LAMC2: variants seen among roughly 807,000 people sequenced by gnomAD.
The protein encoded by LAMC2 is laminin subunit gamma-2.
Under a neutral mutation model 140.2 loss-of-function variants are expected in LAMC2, and 97 were observed. That is an observed-to-expected ratio of 0.69 (90% CI 0.59 to 0.82). The LOEUF (loss-of-function observed/expected upper bound fraction) is 0.82. Among genes scored for constraint, LAMC2 ranks in the 40% least tolerant of loss-of-function variants. The pLI, the probability that LAMC2 is intolerant of heterozygous loss-of-function variation, is 0.00. For synonymous variants in LAMC2, 513 were observed against 540.2 expected (o/e 0.95, Z 0.70); for missense variants, 1,402 against 1,476.1 (o/e 0.95, Z 0.82).
At position 183,217,439 on chromosome 1, in the gene LAMC2, A is replaced by G. The variant is rs187271365; in HGVS notation, c.405-951A>G. 9.2e-5 allele frequency among the ~76,000 whole-genome samples: 14 copies of G among 152,366 alleles called. No homozygotes were observed. In the East Asian group the frequency reaches 2.3e-3, roughly 25 times the overall value. ...TTCCACTCCTAGGTATACACCCAAG[A>G]GAAATGAGAAGGTAGATATCTGCAC... On this transcript the variant is annotated intron_variant, in intron 3 of 22. Coordinates refer to ENST00000264144, the MANE Select transcript of LAMC2 (RefSeq NM_005562.3).
Position 183,228,267 on chromosome 1 carries a change from C to A in LAMC2, c.1469-107C>A. The A allele has an allele frequency of 1.4e-6, 2 of 1,468,356 alleles. No individual in the cohort carries two copies. The highest frequency in any genetic ancestry group is 1.9e-6 in the Non-Finnish European group (2 of 1,055,260). 91.0% of individuals were successfully genotyped at this position (1,468,356 alleles called of 1,614,324 possible). Reference sequence around the variant, plus strand: ...CTTTGTTCTGGGGTCCCTAGGGAAGCACATTTCTCTGGCTCTTCTAGAGGG... The same window carrying A: ...CTTTGTTCTGGGGTCCCTAGGGAAGAACATTTCTCTGGCTCTTCTAGAGGG... On this transcript the variant is annotated intron_variant, in intron 10 of 22. Coordinates refer to ENST00000264144, the MANE Select transcript of LAMC2 (RefSeq NM_005562.3). This position sits in a 1 kb window ranked among gnomAD's most constrained non-coding sequence, Gnocchi z 4.3.
chr1:183,202,458 G>A (rs1558082214), intron 1 of LAMC2, among the ~76,000 whole-genome samples: 1 of 152,090 alleles, frequency 6.6e-6, no homozygotes, highest in Non-Finnish European at 1.5e-5. Flanking sequence ...AGGTACTTTG[G>A]AAATAAAGAT....
Position 183,228,648 on chromosome 1 carries a change from C to A in LAMC2, c.1714+29C>A, listed in dbSNP as rs376179244. The A allele has an allele frequency of 6.2e-7, 1 of 1,612,820 alleles. No homozygotes were observed. Among genetic ancestry groups the A allele is most frequent in the Non-Finnish European group, 8.5e-7 (1 of 1,179,948 alleles). On this transcript the variant is annotated intron_variant, in intron 11 of 22. Coordinates refer to ENST00000264144, the MANE Select transcript of LAMC2 (RefSeq NM_005562.3). This position sits in a 1 kb window ranked among gnomAD's most constrained non-coding sequence, Gnocchi z 4.3. The stretch of plus-strand genomic sequence containing the variant: ...GGACTCCACCCCAGGCAGGCTGTGT[C>A]TGTGCGTGCCTGTGTACGTATGCAC...
chr1:183,223,506 G>A (rs1327983945), intron 7 of LAMC2, among the ~76,000 whole-genome samples, 182 bp downstream of exon 7: 4 of 152,134 alleles, frequency 2.6e-5, no homozygotes, highest in Admixed American at 6.5e-5. Flanking sequence ...CAGCTGACAG[G>A]CTAATGGGAG....
chr1:183,253,378 C>A, the LAMC2 span, among the ~76,000 whole-genome samples: 3 of 149,760 alleles, frequency 2.0e-5, no homozygotes, highest in Non-Finnish European at 4.4e-5. Context: ...CTGTAGTGGA[C>A]CAAATTAATA....
intron 1 of LAMC2, among the ~76,000 whole-genome samples, chr1:183,189,884 C>T (rs1311093188): frequency 6.6e-6 from 1 of 152,198 alleles, no homozygotes; most frequent in African/African-American, 2.4e-5. Context: ...ACGGCGAATT[C>T]AGAATCCATG....
chr1:183,240,550 T>C lies in LAMC2; in HGVS notation c.3328+159T>C, dbSNP rs79426092. The stretch of plus-strand genomic sequence containing the variant: ...CAGGCCCAGATAACTTTCGGCAGGT[T>C]CCCTTACATTTACTGGACCCTGTTT... On this transcript the variant is annotated intron_variant, in intron 22 of 22. Transcript: ENST00000264144. The C allele has an allele frequency of 5.2e-4, 752 of 1,450,578 alleles. 6 individuals carry two copies. The African/African-American group carries it at 0.01, about 19-fold the overall frequency. 89.9% of individuals were successfully genotyped at this position (1,450,578 alleles called of 1,614,324 possible).
rs1263146249 is a variant in LAMC2 at position 183,222,142 on chromosome 1, T to C, written c.694T>C (p.Trp232Arg). 1 of 1,613,964 alleles carries C rather than the reference T, an allele frequency of 6.2e-7. No individual in the cohort carries two copies. Among genetic ancestry groups the C allele is most frequent in the East Asian group, 2.2e-5 (1 of 44,906 alleles). ...AAATGGGTCTCCTGCAAAGCTCCAA[T>C]GGTCACAGCGCCATCAAGATGTGTT... ...QRNGSPAKLQ[W>R]SQRHQDVFSS... The change falls in exon 6 of 23, where the codon TGG (tryptophan) becomes CGG (arginine). Residue 232 changes from tryptophan to arginine, a missense_variant. This residue lies in a region of LAMC2 where 723 missense variants were observed against 783.3 expected (regional missense o/e 0.92). Transcript: ENST00000264144.
At chr1:183,245,912 G>A (rs1660232185), downstream of LAMC2, among the ~76,000 whole-genome samples, 1 of 152,180 alleles carries the variant, frequency 6.6e-6, no homozygotes, top group African/African-American at 2.4e-5. Flanking sequence ...GCTCATGCCG[G>A]TAATCCCAGC....
intron 6 of LAMC2, among the ~76,000 whole-genome samples, chr1:183,222,713 C>A (rs1052622423): frequency 1.3e-5 from 2 of 152,180 alleles, no homozygotes; most frequent in Admixed American, 6.5e-5. Flanking sequence ...CTTCTCTGAA[C>A]TTCAGTTTTC....
In LAMC2 at chr1:183,220,934, CA is replaced by C; in HGVS notation, c.614del (p.His205LeufsTer42). The C allele has an allele frequency of 3.7e-6, 6 of 1,614,126 alleles. No homozygotes were observed. Among genetic ancestry groups the C allele is most frequent in the Non-Finnish European group, 4.2e-6 (5 of 1,179,994 alleles). On this transcript the variant is annotated frameshift_variant, in exon 5 of 23. Coordinates refer to ENST00000264144, the MANE Select transcript of LAMC2 (RefSeq NM_005562.3). LOFTEE classifies it high-confidence loss of function. The stretch of plus-strand genomic sequence containing the variant: ...CCGCAGCTCTGCAGAATACAGTGTC[CA>C]TAAGATCACCTCTACCTTTCATCAA... ...SCRSSAEYSV[H>X]KITSTFHQDV...
intron 15 of LAMC2, 38 bp from the exon 16 acceptor site, chr1:183,235,537 C>G (rs146868636): frequency 4.3e-6 from 7 of 1,612,536 alleles, no homozygotes; most frequent in Non-Finnish European, 5.9e-6. Context: ...AAGCCCTTTG[C>G]GTGAAAACTC....
Position 183,236,503 on chromosome 1 carries a change from G to T in LAMC2, c.2500G>T (p.Ala834Ser), listed in dbSNP as rs756762136. Reference sequence around the variant, plus strand: ...CCTGGCCCAGCAGTTGACAAGGGAGGCCACTCAAGCGGAAATTGAAGCAGA... The same window carrying T: ...CCTGGCCCAGCAGTTGACAAGGGAGTCCACTCAAGCGGAAATTGAAGCAGA... ...KSLAQQLTRE[A>S]TQAEIEADRS... is the part of the protein sequence containing the mutation. Residue 834 changes from alanine to serine, a missense_variant, in exon 17 of 23, where the codon GCC becomes TCC. By Grantham distance (99) the Ala-to-Ser change is moderately conservative. This residue lies in a region of LAMC2 where 670 missense variants were observed against 667.2 expected (regional missense o/e 1.00). Coordinates refer to ENST00000264144, the MANE Select transcript of LAMC2 (RefSeq NM_005562.3). 7 of 1,613,892 alleles carry T rather than the reference G, an allele frequency of 4.3e-6. No individual in the cohort carries two copies. In the Admixed American group the frequency reaches 1.0e-4, roughly 23 times the overall value.
At chr1:183,235,772 A>C (rs374903499) in intron 16 of LAMC2, 42 bp downstream of exon 16, 32 of 1,609,580 alleles carry the variant, frequency 2.0e-5, no homozygotes, top group Non-Finnish European at 2.5e-5. Context: ...TATACCTTGG[A>C]TACTCCCAGG....
At chr1:183,255,927 G>T in the LAMC2 span, among the ~76,000 whole-genome samples, 1 of 151,832 alleles carries the variant, frequency 6.6e-6, no homozygotes, top group Middle Eastern at 3.2e-3. Flanking sequence ...GCCTCCCAAA[G>T]TGCTGGGATT....
At chr1:183,204,781 C>G (rs1021264191) in intron 1 of LAMC2, among the ~76,000 whole-genome samples, 6 of 152,004 alleles carry the variant, frequency 3.9e-5, no homozygotes, top group African/African-American at 1.5e-4. Context: ...ATATAATGAG[C>G]TGCCCTTATG....
In LAMC2 at chr1:183,211,778, T is replaced by C. The variant is rs191763999; in HGVS notation, c.269-3675T>C. Among the ~76,000 whole-genome samples, 6 of 152,282 alleles carry C rather than the reference T, an allele frequency of 3.9e-5. No individual in the cohort carries two copies. In the East Asian group the frequency reaches 1.2e-3, roughly 29 times the overall value. On this transcript the variant is annotated intron_variant, in intron 2 of 22. Coordinates refer to ENST00000264144, the MANE Select transcript of LAMC2 (RefSeq NM_005562.3). ...TGCCTCAGTCTCCCCTAACTGCTGG[T>C]ATTACAAGCATGAGCCACCATGCTC...
intron 2 of LAMC2, among the ~76,000 whole-genome samples, chr1:183,214,511 G>A (rs1373379379): frequency 1.3e-5 from 2 of 152,202 alleles, no homozygotes; most frequent in African/African-American, 2.4e-5. Context: ...GAGCTGGGTC[G>A]CTGGAACCTA....
At chr1:183,218,602 CCTT>C (rs1479403375) in intron 4 of LAMC2, 114 bp downstream of exon 4, 1 of 809,386 alleles carries the variant, frequency 1.2e-6, no homozygotes. Context: ...ACGTTGATGA[CCTT>C]CTTCCTGCTC....
Sources: allele counts gnomAD v4.1 joint callset (sites outside exome capture counted in the v4.1 genomes callset), GRCh38; gene constraint gnomAD v4.1.1; regional missense constraint gnomAD v4.1.1; non-coding constraint Gnocchi (gnomAD v3.1); transcripts MANE v1.5; gene names NCBI Gene and HGNC (gene_info 2026-07-23, HGNC 2026-07-21).